NCALD: variants seen among roughly 807,000 people sequenced by gnomAD.
NCALD encodes the protein neurocalcin-delta.
A neutral mutation model predicts 18.6 loss-of-function variants in NCALD; 10 were observed. That is an observed-to-expected ratio of 0.54 (90% confidence interval 0.33 to 0.91). NCALD has a LOEUF of 0.91. Ranked by LOEUF, NCALD falls within the 40% of genes least tolerant of loss-of-function variation. NCALD has a pLI of 0.03. For missense variants in NCALD, 184 were observed against 247.6 expected, an observed-to-expected ratio of 0.74 and a Z score of 1.72; for synonymous variants, 88 against 87.4, an observed-to-expected ratio of 1.01 and a Z score of -0.04.
chr8:101,773,044 C>A (rs1218812712), intron 1 of NCALD, among the ~76,000 whole-genome samples: 1 of 152,138 alleles, frequency 6.6e-6, no homozygotes, highest in African/African-American at 2.4e-5. Flanking sequence ...GGAAATGAAT[C>A]ATTTGAGAGA....
intron 1 of NCALD, among the ~76,000 whole-genome samples, chr8:101,725,966 C>T (rs1309449090): frequency 2.6e-5 from 4 of 152,150 alleles, no homozygotes; most frequent in Non-Finnish European, 4.4e-5. Flanking sequence ...GGGAAAGCCC[C>T]ACTGAGAAAG....
At chr8:101,960,974 A>G (rs2131849884) in intron 2 of NCALD, among the ~76,000 whole-genome samples, 1 of 152,218 alleles carries the variant, frequency 6.6e-6, no homozygotes, top group Middle Eastern at 3.4e-3. Context: ...CACCATCATC[A>G]TAACAGCCTG....
Position 101,871,792 on chromosome 8 carries a change from G to A in NCALD, c.-20+15349C>T, listed in dbSNP as rs372360563. ...TTTCTTAAAGAAATCCAGACAATTT[G>A]TCACAAGAAAGTTCAGCATGTGATA... is the stretch of plus-strand genomic sequence containing the variant. On this transcript the variant is annotated intron_variant, in intron 4 of 6. Transcript: ENST00000311028. The A allele has an allele frequency of 5.8e-4, 184 of 316,392 alleles. 3 individuals carry two copies. In the South Asian group the frequency reaches 0.015, roughly 26 times the overall value. The allele number at this position is 316,392 out of a possible 1,614,324, so 19.6% of individuals were successfully genotyped here.
rs1259910556 is a variant in NCALD at position 101,689,329 on chromosome 8, T to A, written c.562A>T (p.Ser188Cys). 6.2e-7 allele frequency: 1 copy of A among 1,613,786 alleles called. No individual in the cohort carries two copies. Residue 188 changes from serine to cysteine, a missense_variant, in exon 4 of 4, where the codon AGC (serine) becomes TGC (cysteine). By Grantham distance (112) the Ser-to-Cys change is moderately radical. Coordinates refer to ENST00000220931, the MANE Select transcript of NCALD (RefSeq NM_032041.3). This position sits in a 1 kb window ranked among gnomAD's most constrained non-coding sequence, Gnocchi z 4.4. ...AGGGCTCAGAACTGGCCGGCACTGC[T>A]CGGGTCGCACTGCAGGAGGCGCACA... ...SIVRLLQCDP[S>C]SAGQF
chr8:101,887,114 T>G (rs983358639), intron 4 of NCALD: 1 of 152,136 alleles, frequency 6.6e-6, no homozygotes, highest in African/African-American at 2.4e-5. Context: ...AATTTAACCC[T>G]TTCAAGAGAT....
intron 4 of NCALD, among the ~76,000 whole-genome samples, chr8:101,825,928 G>T (rs1813919203): frequency 6.6e-6 from 1 of 152,146 alleles, no homozygotes; most frequent in Non-Finnish European, 1.5e-5. Flanking sequence ...TTCGCCCACA[G>T]GCCATAGTTT....
chr8:102,121,197 T>C (rs1825934759), intron 1 of NCALD, among the ~76,000 whole-genome samples: 1 of 152,218 alleles, frequency 6.6e-6, no homozygotes, highest in African/African-American at 2.4e-5. Flanking sequence ...CTATCACATA[T>C]TCTTCTCCGT....
chr8:102,075,057 C>T (rs1465166), intron 1 of NCALD, among the ~76,000 whole-genome samples: 9,254 of 152,222 alleles, frequency 0.061, 412 homozygotes, highest in Non-Finnish European at 0.092. Context: ...CAGACTTCTG[C>T]TTACTTTATA....
rs188838988 is a variant in NCALD, at chr8:102,034,385, A to T, written c.-209-14096T>A. ...ATTTGTGCAAGGGATAATTGCATCA[A>T]CAGAAGCATTATAATGTTGCTGTTG... On this transcript the variant is annotated intron_variant, in intron 1 of 6. Transcript: ENST00000311028. Among the ~76,000 whole-genome samples, 15 of 152,342 alleles carry T rather than the reference A, an allele frequency of 9.8e-5. No individual in the cohort carries two copies. The East Asian group carries it at 2.9e-3, about 29-fold the overall frequency.
intron 2 of NCALD, among the ~76,000 whole-genome samples, chr8:101,935,925 A>G (rs1239739415): frequency 6.6e-6 from 1 of 152,068 alleles, no homozygotes; most frequent in African/African-American, 2.4e-5. Flanking sequence ...GTAAGAGAAC[A>G]GATGAGATGC....
intron 2 of NCALD, among the ~76,000 whole-genome samples, chr8:101,951,418 A>G (rs945661388): frequency 1.3e-5 from 2 of 152,128 alleles, no homozygotes; most frequent in African/African-American, 4.8e-5. Context: ...GCTGGCGAAG[A>G]CGGAAGAATT....
intron 2 of NCALD, among the ~76,000 whole-genome samples, chr8:101,923,517 A>G (rs986280282): frequency 2.6e-5 from 4 of 152,242 alleles, no homozygotes; most frequent in Admixed American, 6.5e-5. Flanking sequence ...CAGTTCTGAC[A>G]TCTATGTCAA....
chr8:101,730,850 T>C (rs1210605494), intron 1 of NCALD, among the ~76,000 whole-genome samples: 2 of 152,214 alleles, frequency 1.3e-5, no homozygotes, highest in Non-Finnish European at 1.5e-5. Flanking sequence ...TGTACATCTA[T>C]TGCCACTAGA....
At chr8:101,859,555 C>T (rs1815456268) in intron 4 of NCALD, among the ~76,000 whole-genome samples, 1 of 152,002 alleles carries the variant, frequency 6.6e-6, no homozygotes, top group Admixed American at 6.6e-5. Flanking sequence ...GAATAGGAGG[C>T]TAGATAAAGA....
intron 2 of NCALD, among the ~76,000 whole-genome samples, chr8:102,007,528 T>C (rs1366460750): frequency 1.3e-5 from 2 of 152,208 alleles, no homozygotes; most frequent in Non-Finnish European, 2.9e-5. Flanking sequence ...TGGAAACAAT[T>C]GTTTGCTGAC....
chr8:101,803,560 C>T (rs535005246), intron 4 of NCALD, among the ~76,000 whole-genome samples: 1 of 152,286 alleles, frequency 6.6e-6, no homozygotes, highest in South Asian at 2.1e-4. Context: ...AGTGATTCCT[C>T]TGATGGATCT....
intron 2 of NCALD, among the ~76,000 whole-genome samples, chr8:101,712,051 A>G (rs557603184): frequency 6.6e-6 from 1 of 152,380 alleles, no homozygotes; most frequent in African/African-American, 2.4e-5. Flanking sequence ...AAGGAAGCCC[A>G]TCAGACTAAC....
At chr8:101,979,984 G>A (rs1820557934) in intron 2 of NCALD, among the ~76,000 whole-genome samples, 1 of 152,166 alleles carries the variant, frequency 6.6e-6, no homozygotes, top group Admixed American at 6.5e-5. Context: ...GGAGGATAGG[G>A]TGGTGGTGGT....
intron 2 of NCALD, among the ~76,000 whole-genome samples, chr8:101,937,746 T>C (rs530346194): frequency 3.3e-5 from 5 of 152,298 alleles, no homozygotes; most frequent in African/African-American, 1.2e-4. Flanking sequence ...TATGAAGTCA[T>C]GGGATGCAAA....
Sources: gnomAD v4.1 joint callset for allele counts (sites outside exome capture counted in the v4.1 genomes callset) on GRCh38, gnomAD v4.1.1 for gene constraint, Gnocchi (gnomAD v3.1) non-coding constraint, MANE v1.5 for transcripts, NCBI Gene and HGNC (gene_info 2026-07-23, HGNC 2026-07-21) for gene names.